Variants in SH3D19 observed in about 807,000 individuals in gnomAD.
SH3D19 encodes the protein SH3 domain containing 19.
Under a neutral mutation model 112.1 loss-of-function variants are expected in SH3D19, and 58 were observed. The ratio of observed to expected loss-of-function variants is 0.52; its 90% CI spans 0.42 to 0.64. The LOEUF is 0.64. SH3D19 is among the 30% of genes least tolerant of loss of function. The probability of loss-of-function intolerance (pLI) is 0.00; values close to 1 mark genes in which losing one functional copy is unlikely to be tolerated. For missense variants in SH3D19, 1,090 were observed against 1,263.4 expected, an observed-to-expected ratio of 0.86 and a Z score of 2.08; for synonymous variants, 391 against 448.5, an observed-to-expected ratio of 0.87 and a Z score of 1.62.
At chr4:151,182,748 C>T (rs1299011419) in intron 3 of SH3D19, among the ~76,000 whole-genome samples, 1 of 152,176 alleles carries the variant, frequency 6.6e-6, no homozygotes. Flanking sequence ...GTCTCATGCT[C>T]TTTGTGCTAA....
intron 1 of SH3D19, among the ~76,000 whole-genome samples, chr4:151,233,081 C>A (rs1399529226): frequency 6.6e-6 from 1 of 151,902 alleles, no homozygotes; most frequent in Non-Finnish European, 1.5e-5. Flanking sequence ...CTATTGTGAA[C>A]CGCACATGGG....
rs770233387 is a variant in SH3D19 at position 151,175,067 on chromosome 4, G to C, written c.1137C>G (p.Thr379=). ...PLQEAGSIPV[T]KPELPKKPNP... is the part of the protein sequence containing the mutation. Reference sequence around the variant, plus strand: ...TTGGTTTCTTTGGCAATTCAGGTTTGGTTACTGGGATGCTTCCCGCTTCTT... The same window carrying C: ...TTGGTTTCTTTGGCAATTCAGGTTTCGTTACTGGGATGCTTCCCGCTTCTT... Residue 379 remains threonine (T), a synonymous_variant, in exon 7 of 20, where the codon ACC becomes ACG. Transcript: ENST00000604030. 3 of 1,614,194 alleles carry C rather than the reference G, an allele frequency of 1.9e-6. No individual in the cohort carries two copies. Among genetic ancestry groups the C allele is most frequent in the Non-Finnish European group, 8.5e-7 (1 of 1,180,036 alleles).
chr4:151,195,254 C>T (rs976544138), intron 2 of SH3D19, among the ~76,000 whole-genome samples: 1 of 150,172 alleles, frequency 6.7e-6, no homozygotes, highest in African/African-American at 2.4e-5. Context: ...TGCCTGTAGT[C>T]CCAGCTACTC....
chr4:151,210,633 C>T (rs112809986), intron 2 of SH3D19, among the ~76,000 whole-genome samples: 5,798 of 152,060 alleles, frequency 0.038, 323 homozygotes, highest in African/African-American at 0.13. Context: ...GATCTCCTGA[C>T]CTTGTGATCC....
intron 1 of SH3D19, among the ~76,000 whole-genome samples, chr4:151,304,299 C>A (rs1203360660): frequency 1.3e-5 from 2 of 152,108 alleles, no homozygotes; most frequent in Non-Finnish European, 2.9e-5. Context: ...CTTGTAGCAA[C>A]TAATGAAACA....
intron 1 of SH3D19, among the ~76,000 whole-genome samples, chr4:151,311,511 T>TTGTA (rs1323787447): frequency 6.6e-6 from 1 of 152,082 alleles, no homozygotes; most frequent in Non-Finnish European, 1.5e-5. Context: ...GTGATCTCAC[T>TTGTA]TGTATGTGGA....
At chr4:151,173,382 ATAAAAACACTAAG>A (rs1478455824) in intron 7 of SH3D19, among the ~76,000 whole-genome samples, 1 of 152,360 alleles carries the variant, frequency 6.6e-6, no homozygotes, top group African/African-American at 2.4e-5. Context: ...TAGGCTTAGA[ATAAAAACACTAAG>A]TTTGAATCCT....
At chr4:151,278,272 G>A (rs1453649642) in intron 1 of SH3D19, among the ~76,000 whole-genome samples, 2 of 151,834 alleles carry the variant, frequency 1.3e-5, no homozygotes, top group Non-Finnish European at 2.9e-5. Context: ...TCTTCATAGA[G>A]CATTTTTTTT....
intron 7 of SH3D19, among the ~76,000 whole-genome samples, chr4:151,173,868 C>T (rs763344963): frequency 2.0e-5 from 3 of 152,192 alleles, no homozygotes; most frequent in Non-Finnish European, 4.4e-5. Flanking sequence ...CCAAATAAGT[C>T]AACAGCAGTA....
At chr4:151,319,210 G>A (rs1345863350) in intron 1 of SH3D19, among the ~76,000 whole-genome samples, 2 of 152,114 alleles carry the variant, frequency 1.3e-5, no homozygotes, top group African/African-American at 4.8e-5. Flanking sequence ...CACCACATCT[G>A]GCTAATTTTT....
At chr4:151,244,835 G>T (rs1416307711) in intron 1 of SH3D19, among the ~76,000 whole-genome samples, 1 of 152,218 alleles carries the variant, frequency 6.6e-6, no homozygotes, top group Non-Finnish European at 1.5e-5. Flanking sequence ...TTTCTCTGTT[G>T]TAGAGAATTC....
chr4:151,198,291 C>T (rs1282893779), intron 2 of SH3D19, among the ~76,000 whole-genome samples: 3 of 132,838 alleles, frequency 2.3e-5, no homozygotes, highest in East Asian at 2.1e-4. Flanking sequence ...GGTGACACAG[C>T]GAGACTCTGT....
intron 2 of SH3D19, among the ~76,000 whole-genome samples, chr4:151,193,573 C>T (rs549845242): frequency 3.0e-4 from 46 of 152,188 alleles, no homozygotes; most frequent in African/African-American, 1.1e-3. Flanking sequence ...ACTGGTATGC[C>T]GCTAAATTTG....
chr4:151,135,683 C>A (rs1051546963), intron 14 of SH3D19, among the ~76,000 whole-genome samples: 11 of 152,018 alleles, frequency 7.2e-5, no homozygotes, highest in Non-Finnish European at 1.6e-4. Context: ...CCTGCCTTAG[C>A]CTCCCAAAGT....
intron 2 of SH3D19, among the ~76,000 whole-genome samples, chr4:151,215,222 T>G (rs1766873283): frequency 6.6e-6 from 1 of 152,170 alleles, no homozygotes; most frequent in South Asian, 2.1e-4. Flanking sequence ...ACAGCCGGCC[T>G]CATTAAAATA....
At chr4:151,238,078 A>C (rs1371856913) in intron 1 of SH3D19, among the ~76,000 whole-genome samples, 2 of 152,192 alleles carry the variant, frequency 1.3e-5, no homozygotes, top group Admixed American at 6.5e-5. Context: ...TAAAAGGCAG[A>C]CAGATAAACT....
chr4:151,158,268 A>G (rs1367962349), intron 9 of SH3D19, among the ~76,000 whole-genome samples: 2 of 152,126 alleles, frequency 1.3e-5, no homozygotes, highest in Non-Finnish European at 2.9e-5. Context: ...GCTTCCCATA[A>G]AGTCCTCTGA....
chr4:151,272,814 CAT>C (rs375855420), intron 1 of SH3D19, among the ~76,000 whole-genome samples: 5 of 150,274 alleles, frequency 3.3e-5, no homozygotes, highest in African/African-American at 7.3e-5. Flanking sequence ...TCAGGAGGCA[CAT>C]GTCTGCCTTG....
intron 9 of SH3D19, among the ~76,000 whole-genome samples, chr4:151,156,505 C>G (rs111363814): frequency 1.7e-3 from 262 of 152,164 alleles, no homozygotes; most frequent in Middle Eastern, 3.4e-3. Flanking sequence ...AATAGAGAAT[C>G]CAAAAATTAA....
Sources: gnomAD v4.1 joint callset for allele counts (sites outside exome capture counted in the v4.1 genomes callset) on GRCh38, gnomAD v4.1.1 for gene constraint, MANE v1.5 for transcripts, NCBI Gene and HGNC (gene_info 2026-07-23, HGNC 2026-07-21) for gene names.